The following GRB14 variants were observed in gnomAD, a reference collection of about 807,000 sequenced individuals.
GRB14 encodes growth factor receptor-bound protein 14.
GRB14 carries 38 observed loss-of-function variants against 69.1 expected under a neutral mutation model. The observed-to-expected ratio is 0.55, with a 90% confidence interval of 0.42 to 0.72. GRB14 has a LOEUF of 0.72. Ranked by LOEUF, GRB14 falls within the 30% of genes least tolerant of loss-of-function variation. The pLI, the probability that GRB14 is intolerant of heterozygous loss-of-function variation, is 0.00. For missense variants in GRB14, 666 were observed against 666.1 expected (o/e 1.00, Z 0.00); for synonymous variants, 247 against 241.3 (o/e 1.02, Z -0.22).
chr2:164,574,197 C>T (rs1689190147), intron 2 of GRB14: 1 of 585,120 alleles, frequency 1.7e-6, no homozygotes, highest in Admixed American at 3.1e-5. Context: ...ATTTTTTCCC[C>T]TCCACTCTAA....
intron 2 of GRB14, among the ~76,000 whole-genome samples, chr2:164,582,425 T>A (rs201390585): frequency 0.035 from 760 of 21,604 alleles, 6 homozygotes; most frequent in African/African-American, 0.07. Flanking sequence ...TTATTTATTA[T>A]TTTTTTTTTT....
chr2:164,518,130 T>C (rs1374367642), intron 6 of GRB14, among the ~76,000 whole-genome samples: 1 of 151,966 alleles, frequency 6.6e-6, no homozygotes, highest in Non-Finnish European at 1.5e-5. Flanking sequence ...ACAAAACAAG[T>C]CTTAATACAT....
intron 2 of GRB14, among the ~76,000 whole-genome samples, chr2:164,607,141 T>A (rs905153974): frequency 2.6e-5 from 4 of 152,220 alleles, no homozygotes; most frequent in Non-Finnish European, 5.9e-5. Flanking sequence ...TATCAGACTC[T>A]TCCTGGAAAA....
At chr2:164,536,742 A>G (rs28756905) in intron 3 of GRB14, among the ~76,000 whole-genome samples, 26,779 of 152,188 alleles carry the variant, frequency 0.18, 3,058 homozygotes, top group East Asian at 0.37. Flanking sequence ...TGGATGTACT[A>G]TAATTTATAA....
intron 3 of GRB14, among the ~76,000 whole-genome samples, chr2:164,535,491 C>G (rs920318075): frequency 6.6e-5 from 10 of 152,162 alleles, no homozygotes; most frequent in African/African-American, 2.4e-4. Flanking sequence ...CTACTCTTCT[C>G]TCACTTGATA....
Position 164,604,771 on chromosome 2 carries a change from T to C in GRB14, c.324+14916A>G, listed in dbSNP as rs532801984. 2.0e-5 allele frequency among the ~76,000 whole-genome samples: 3 copies of C among 152,266 alleles called. No homozygotes were observed. In the South Asian group the frequency reaches 6.2e-4, roughly 32 times the overall value. The stretch of plus-strand genomic sequence containing the variant: ...AAGAAACCAGATGCAAAAGGTCACA[T>C]ACTATATGATTCCATTTTAATGAAA... On this transcript the variant is annotated intron_variant, in intron 2 of 13. Coordinates refer to ENST00000263915, the MANE Select transcript of GRB14 (RefSeq NM_004490.3).
At chr2:164,616,963 A>G (rs1690312707) in intron 2 of GRB14, among the ~76,000 whole-genome samples, 1 of 152,200 alleles carries the variant, frequency 6.6e-6, no homozygotes, top group Non-Finnish European at 1.5e-5. Flanking sequence ...GTAAAAGGGT[A>G]ATATGTGTTG....
At chr2:164,557,081 C>A (rs1688697603) in intron 2 of GRB14, among the ~76,000 whole-genome samples, 1 of 152,086 alleles carries the variant, frequency 6.6e-6, no homozygotes, top group Non-Finnish European at 1.5e-5. Flanking sequence ...CTGCTGAGAG[C>A]CATTTCATAT....
At position 164,508,820 on chromosome 2, in the gene GRB14, A is replaced by G. The variant is rs1687263056; in HGVS notation, c.849T>C (p.Phe283=). 6.3e-7 allele frequency: 1 copy of G among 1,583,762 alleles called. No homozygotes were observed. Among genetic ancestry groups the G allele is most frequent in the Admixed American group, 1.9e-5 (1 of 51,656 alleles). The change falls in exon 7 of 14, where the codon TTT becomes TTC. Residue 283 remains phenylalanine, a synonymous_variant. Transcript: ENST00000263915. ...EPRHLQFFSE[F]GNSDIYVSLA... is the part of the protein sequence containing the mutation. Reference sequence around the variant, plus strand: ...GTGACACATAAATATCACTATTGCCAAATTCGCTGAAAAACTGCAAATGCC... The same window carrying G: ...GTGACACATAAATATCACTATTGCCGAATTCGCTGAAAAACTGCAAATGCC...
intron 6 of GRB14, among the ~76,000 whole-genome samples, chr2:164,517,605 G>A (rs565963509): frequency 1.3e-5 from 2 of 152,216 alleles, no homozygotes; most frequent in East Asian, 3.9e-4. Flanking sequence ...CCAAGTATTT[G>A]CTGTCTTCAA....
intron 2 of GRB14, among the ~76,000 whole-genome samples, chr2:164,593,962 AG>A (rs1431655674): frequency 1.3e-5 from 2 of 152,210 alleles, no homozygotes; most frequent in African/African-American, 4.8e-5. Flanking sequence ...TCACAACAAA[AG>A]AGCATAATCA....
At chr2:164,540,001 T>TCC (rs1688190835) in intron 3 of GRB14, 1 of 152,164 alleles carries the variant, frequency 6.6e-6, no homozygotes, top group Non-Finnish European at 1.5e-5. Context: ...CTCAAAGACC[T>TCC]CCCCTTGCTT....
At chr2:164,519,861 A>G (rs902376406) in intron 6 of GRB14, among the ~76,000 whole-genome samples, 1 of 152,128 alleles carries the variant, frequency 6.6e-6, no homozygotes, top group African/African-American at 2.4e-5. Context: ...AAGAAAACAT[A>G]GATGACACAA....
chr2:164,616,493 T>C (rs1236844256), intron 2 of GRB14, among the ~76,000 whole-genome samples: 2 of 148,764 alleles, frequency 1.3e-5, no homozygotes, highest in African/African-American at 5.0e-5. Flanking sequence ...TTAAAAATAA[T>C]GGTACTGAAA....
chr2:164,611,927 A>G (rs1191689083), intron 2 of GRB14, among the ~76,000 whole-genome samples: 1 of 152,116 alleles, frequency 6.6e-6, no homozygotes, highest in Non-Finnish European at 1.5e-5. Flanking sequence ...CGACTCCTGT[A>G]TCTGCTGCAC....
chr2:164,582,626 G>A (rs766104848), intron 2 of GRB14, among the ~76,000 whole-genome samples: 3 of 151,924 alleles, frequency 2.0e-5, no homozygotes, highest in Non-Finnish European at 4.4e-5. Flanking sequence ...TCGCCATCTT[G>A]GCCAGGCTGG....
At chr2:164,615,800 T>A (rs578106903) in intron 2 of GRB14, among the ~76,000 whole-genome samples, 107 of 152,290 alleles carry the variant, frequency 7.0e-4, no homozygotes, top group Middle Eastern at 3.4e-3. Context: ...CTACACAGGC[T>A]ATGTCCAAGC....
At chr2:164,533,901 T>TG (rs755231532) in intron 3 of GRB14, among the ~76,000 whole-genome samples, 4 of 151,940 alleles carry the variant, frequency 2.6e-5, no homozygotes, top group Non-Finnish European at 5.9e-5. Flanking sequence ...ATACCAATCT[T>TG]GAAAAAATAA....
intron 4 of GRB14, among the ~76,000 whole-genome samples, chr2:164,525,647 TC>T (rs1291163770): frequency 6.6e-6 from 1 of 152,060 alleles, no homozygotes; most frequent in African/African-American, 2.4e-5. Flanking sequence ...ATTCAGTAGA[TC>T]CGGGCAAGTC....
Sources: gnomAD v4.1 joint callset for allele counts (sites outside exome capture counted in the v4.1 genomes callset) on GRCh38, gnomAD v4.1.1 for gene constraint, MANE v1.5 for transcripts, NCBI Gene and HGNC (gene_info 2026-07-23, HGNC 2026-07-21) for gene names.